LURAP1L: variants seen among roughly 807,000 people sequenced by gnomAD.
The protein encoded by LURAP1L is leucine rich adaptor protein 1-like.
LURAP1L carries 12 observed loss-of-function variants against 13.8 expected under a neutral mutation model. The ratio of observed to expected loss-of-function variants is 0.87; its 90% CI spans 0.56 to 1.41. The LOEUF (loss-of-function observed/expected upper bound fraction) is 1.41, where lower values mean the gene tolerates loss of function less well. Ranked by LOEUF, LURAP1L falls within the 40% of genes most tolerant of loss-of-function variation. The pLI is 0.00. For missense variants in LURAP1L, 375 were observed against 292.9 expected (o/e 1.28, Z -2.04); for synonymous variants, 139 against 119.2 (o/e 1.17, Z -1.08).
At position 12,775,461 on chromosome 9, in the gene LURAP1L, A is replaced by C; in HGVS notation, c.-255A>C. 1.4e-5 allele frequency: 6 copies of C among 441,392 alleles called. No homozygotes were observed. Among genetic ancestry groups the C allele is most frequent in the Non-Finnish European group, 2.3e-5 (6 of 257,446 alleles). 27.3% of individuals were successfully genotyped at this position (441,392 alleles called of 1,614,324 possible). ...AGTGAGGTGGCCAAAAAGAGAGAGA[A>C]TGAGGAGATCTTGATCATCTTAGTG... On this transcript the variant is annotated 5_prime_UTR_variant, in exon 1 of 2. An upstream start codon of the reference 5' UTR is lost. Transcript: ENST00000319264.
intron 1 of LURAP1L, among the ~76,000 whole-genome samples, chr9:12,785,327 G>T (rs1250644886): frequency 6.6e-6 from 1 of 152,060 alleles, no homozygotes; most frequent in Non-Finnish European, 1.5e-5. Context: ...TGGGGCTGGG[G>T]GAGGGGGTGA....
In LURAP1L at chr9:12,775,617, GC is replaced by G; in HGVS notation, c.-94del. The G allele has an allele frequency of 2.7e-6, 4 of 1,470,898 alleles. No homozygotes were observed. Among genetic ancestry groups the G allele is most frequent in the Non-Finnish European group, 3.6e-6 (4 of 1,112,622 alleles). The allele number at this position is 1,470,898 out of a possible 1,614,324, so 91.1% of individuals were successfully genotyped here. A position where few individuals can be genotyped will look rare whatever the true frequency, so the allele number is the denominator to read the frequency against. Reference sequence around the variant, plus strand: ...GGAGCGGCGGAGGATAGAGACCCTGGCCCCCGGAGAGGTCTGCTGATTTCGC... The same window carrying G: ...GGAGCGGCGGAGGATAGAGACCCTGGCCCCGGAGAGGTCTGCTGATTTCGC... On this transcript the variant is annotated 5_prime_UTR_variant, in exon 1 of 2. Transcript: ENST00000319264.
At chr9:12,817,424 C>T (rs190050780) in intron 1 of LURAP1L, among the ~76,000 whole-genome samples, 1 of 152,256 alleles carries the variant, frequency 6.6e-6, no homozygotes, top group Admixed American at 6.5e-5. Context: ...TGCTTCCATG[C>T]TCATGGGGGG....
Position 12,822,468 on chromosome 9 carries a change from G to A in LURAP1L, c.*708G>A, listed in dbSNP as rs1819894691. 6.6e-6 allele frequency among the ~76,000 whole-genome samples: 1 copy of A among 152,134 alleles called. No individual in the cohort carries two copies. The highest frequency in any genetic ancestry group is 1.5e-5 in the Non-Finnish European group (1 of 68,036). ...TTCTCCCAAATTTCAAGGAATAATT[G>A]AGATTAAGTATGGAGGCCATTCAAG... On this transcript the variant is annotated 3_prime_UTR_variant, in exon 2 of 2. Transcript: ENST00000319264.
At chr9:12,818,783 G>C (rs1403928626) in intron 1 of LURAP1L, among the ~76,000 whole-genome samples, 1 of 152,172 alleles carries the variant, frequency 6.6e-6, no homozygotes, top group East Asian at 1.9e-4. Context: ...ATGGGAGAGG[G>C]TGGAGATGTG....
chr9:12,817,265 G>A (rs1017655483), intron 1 of LURAP1L, among the ~76,000 whole-genome samples: 1 of 151,842 alleles, frequency 6.6e-6, no homozygotes, highest in African/African-American at 2.4e-5. Context: ...AGCAAAACCC[G>A]AGATTCCAAC....
intron 1 of LURAP1L, 99 bp downstream of exon 1, chr9:12,776,126 C>T: frequency 8.1e-7 from 1 of 1,235,862 alleles, no homozygotes. Context: ...GCAGGGGCTG[C>T]AGAGCGGAGC....
intron 1 of LURAP1L, among the ~76,000 whole-genome samples, chr9:12,820,499 TC>T (rs747476601): frequency 0.17 from 2,444 of 14,486 alleles, 149 homozygotes; most frequent in Middle Eastern, 0.33. Context: ...CGAGACTCCG[TC>T]CCCCCCCCCC....
In LURAP1L at chr9:12,821,548, T is replaced by C; in HGVS notation, c.475T>C (p.Ser159Pro). ...CAGTTTGTTGGAGAGTCAGAGCACCTCCTTACGTGGCAGCTACAACAGCCT... is the reference window on the plus strand; with the variant it reads ...CAGTTTGTTGGAGAGTCAGAGCACCCCCTTACGTGGCAGCTACAACAGCCT... ...LCSLLESQSTSLRGSYNSLHD... is the reference protein window; with the variant it reads ...LCSLLESQSTPLRGSYNSLHD... Residue 159 changes from serine (S) to proline (P), a missense_variant, in exon 2 of 2, where the codon TCC becomes CCC. By Grantham distance (74) the Ser-to-Pro change is moderately conservative. Coordinates refer to ENST00000319264, the MANE Select transcript of LURAP1L (RefSeq NM_203403.2). 6.2e-7 allele frequency: 1 copy of C among 1,614,098 alleles called. No individual in the cohort carries two copies. The highest frequency in any genetic ancestry group is 8.5e-7 in the Non-Finnish European group (1 of 1,180,016).
At chr9:12,819,145 G>C (rs1819841479) in intron 1 of LURAP1L, among the ~76,000 whole-genome samples, 1 of 152,110 alleles carries the variant, frequency 6.6e-6, no homozygotes, top group Admixed American at 6.5e-5. Flanking sequence ...TCAAGGCTAA[G>C]TTCACATCCT....
intron 1 of LURAP1L, chr9:12,777,453 T>C (rs769137858): frequency 2.2e-4 from 216 of 985,228 alleles, no homozygotes; most frequent in Non-Finnish European, 2.4e-4. Context: ...AATTAAGGAC[T>C]TAATATGAGG....
intron 1 of LURAP1L, among the ~76,000 whole-genome samples, chr9:12,801,723 C>G (rs1819588332): frequency 6.6e-6 from 1 of 152,080 alleles, no homozygotes; most frequent in Admixed American, 6.5e-5. Flanking sequence ...GGCATAAACA[C>G]AGACTTCAGG....
At chr9:12,779,386 T>C (rs1287026098) in intron 1 of LURAP1L, among the ~76,000 whole-genome samples, 1 of 146,092 alleles carries the variant, frequency 6.8e-6, no homozygotes, top group Non-Finnish European at 1.5e-5. Context: ...GCCATTCTCC[T>C]GCCTCAGCCT....
intron 1 of LURAP1L, among the ~76,000 whole-genome samples, chr9:12,779,194 A>G (rs940277594): frequency 6.7e-6 from 1 of 149,652 alleles, no homozygotes. Flanking sequence ...TACTTTGGTG[A>G]GACTTTACTA....
chr9:12,792,752 G>GT (rs1819459241), intron 1 of LURAP1L, among the ~76,000 whole-genome samples: 1 of 151,932 alleles, frequency 6.6e-6, no homozygotes. Flanking sequence ...ATATCCACTT[G>GT]TTTTTTCTTG....
Position 12,775,922 on chromosome 9 carries a change from G to A in LURAP1L, c.207G>A (p.Leu69=). 6.4e-7 allele frequency: 1 copy of A among 1,572,070 alleles called. No individual in the cohort carries two copies. The highest frequency in any genetic ancestry group is 2.4e-5 in the East Asian group (1 of 42,134). Residue 69 remains leucine, a synonymous_variant, in exon 1 of 2, where the codon TTG becomes TTA. Transcript: ENST00000319264. ...GCTACTGCAGCTTCCCTCCCTCCTT[G>A]TCGTCCTCCTCTTCGTCCTCCCCAA... ...SSSYCSFPPS[L]SSSSSSSPTS...
intron 1 of LURAP1L, among the ~76,000 whole-genome samples, chr9:12,789,361 A>T (rs1819408504): frequency 6.6e-6 from 1 of 152,180 alleles, no homozygotes; most frequent in Non-Finnish European, 1.5e-5. Context: ...TCAGGAAAAG[A>T]TGAGACCAGA....
chr9:12,784,374 G>A (rs991503641), intron 1 of LURAP1L, among the ~76,000 whole-genome samples: 20 of 152,110 alleles, frequency 1.3e-4, no homozygotes, highest in African/African-American at 4.8e-4. Context: ...AGAAAATTGA[G>A]TGTTCAGATC....
At chr9:12,811,357 G>T (rs1011205368) in intron 1 of LURAP1L, among the ~76,000 whole-genome samples, 5 of 152,028 alleles carry the variant, frequency 3.3e-5, no homozygotes, top group Non-Finnish European at 5.9e-5. Context: ...GGTTATAGGG[G>T]ATATAATTTA....
Sources: gnomAD v4.1 joint callset for allele counts (sites outside exome capture counted in the v4.1 genomes callset) on GRCh38, gnomAD v4.1.1 for gene constraint, MANE v1.5 for transcripts, NCBI Gene and HGNC (gene_info 2026-07-23, HGNC 2026-07-21) for gene names.